The following TSPAN18 variants were observed in gnomAD, a reference collection of about 807,000 sequenced individuals.
TSPAN18 encodes the protein tetraspanin 18, also known as tetraspanin-18.
In TSPAN18, 14 loss-of-function variants were observed where a neutral mutation model predicts 27.3. That is an observed-to-expected ratio of 0.51 (90% CI 0.34 to 0.80). The LOEUF is 0.80. TSPAN18 is among the 30% of genes least tolerant of loss of function. TSPAN18 has a pLI of 0.01. For missense variants in TSPAN18, 268 were observed against 323.9 expected (o/e 0.83, Z 1.32); for synonymous variants, 143 against 136.5 (o/e 1.05, Z -0.33).
At position 44,814,492 on chromosome 11, in the gene TSPAN18, T is replaced by C. The variant is rs530229807; in HGVS notation, c.-152-45836T>C. On this transcript the variant is annotated intron_variant, in intron 2 of 9. Coordinates refer to ENST00000520358, the MANE Select transcript of TSPAN18 (RefSeq NM_130783.5). Reference sequence around the variant, plus strand: ...TTTGAAAAGCATTGACTAGTCCCAGTGCCTCATTTTGCAGATGTGAAAACT... The same window carrying C: ...TTTGAAAAGCATTGACTAGTCCCAGCGCCTCATTTTGCAGATGTGAAAACT... Among the ~76,000 whole-genome samples the C allele has an allele frequency of 2.6e-5, 4 of 152,372 alleles. No individual in the cohort carries two copies. The South Asian group carries it at 8.3e-4, about 32-fold the overall frequency.
At chr11:44,882,075 C>G (rs1344261349) in intron 3 of TSPAN18, among the ~76,000 whole-genome samples, 2 of 152,106 alleles carry the variant, frequency 1.3e-5, no homozygotes, top group African/African-American at 4.8e-5. Context: ...GTTAGGGTCC[C>G]TGGTGGTCCT....
rs769805932 is a variant in TSPAN18, at chr11:44,856,696, A to T, written c.-152-3632A>T. Among the ~76,000 whole-genome samples the T allele has an allele frequency of 5.3e-4, 80 of 152,052 alleles. 1 individual carries two copies. The highest frequency in any genetic ancestry group is 2.7e-3 in the Admixed American group (41 of 15,250). On this transcript the variant is annotated intron_variant, in intron 2 of 9. Coordinates refer to ENST00000520358, the MANE Select transcript of TSPAN18 (RefSeq NM_130783.5). ...GCAAGTGTTCAATTAATGCTTTCCAAATGAGTGAATGTTCATGTTGCTCAT... is the reference window on the plus strand; with the variant it reads ...GCAAGTGTTCAATTAATGCTTTCCATATGAGTGAATGTTCATGTTGCTCAT...
At chr11:44,835,599 C>T (rs1391138521) in intron 2 of TSPAN18, among the ~76,000 whole-genome samples, 1 of 150,846 alleles carries the variant, frequency 6.6e-6, no homozygotes, top group African/African-American at 2.4e-5. Flanking sequence ...CAACTTGTCT[C>T]TTCTCACAAA....
At chr11:44,761,799 AT>A (rs2134886223) in intron 1 of TSPAN18, among the ~76,000 whole-genome samples, 1 of 152,312 alleles carries the variant, frequency 6.6e-6, no homozygotes, top group Non-Finnish European at 1.5e-5. Context: ...ATAAAAGCTC[AT>A]TATCAGTTCT....
At chr11:44,819,597 A>G (rs1459338790) in intron 2 of TSPAN18, among the ~76,000 whole-genome samples, 1 of 152,094 alleles carries the variant, frequency 6.6e-6, no homozygotes. Context: ...ATAGACGCTC[A>G]TGCTGCTCTT....
intron 2 of TSPAN18, among the ~76,000 whole-genome samples, chr11:44,811,806 T>G (rs991580876): frequency 3.9e-5 from 6 of 152,178 alleles, no homozygotes; most frequent in African/African-American, 1.2e-4. Context: ...GAGTGTAAAG[T>G]CAGGGCTCTG....
intron 1 of TSPAN18, among the ~76,000 whole-genome samples, chr11:44,727,570 G>A (rs1317721216): frequency 6.6e-6 from 1 of 152,054 alleles, no homozygotes; most frequent in Non-Finnish European, 1.5e-5. Flanking sequence ...CCAGTGCTCC[G>A]GGTGGAGGAG....
intron 3 of TSPAN18, among the ~76,000 whole-genome samples, chr11:44,880,108 T>G (rs962244968): frequency 1.3e-5 from 2 of 152,194 alleles, no homozygotes; most frequent in Non-Finnish European, 2.9e-5. Flanking sequence ...GGGCCTCCAT[T>G]ACCACATCTT....
chr11:44,855,016 A>G (rs1308445256), intron 2 of TSPAN18, among the ~76,000 whole-genome samples: 1 of 152,180 alleles, frequency 6.6e-6, no homozygotes, highest in African/African-American at 2.4e-5. Flanking sequence ...AGCTAAAATC[A>G]ATAGCTTTTA....
chr11:44,731,743 G>T (rs1323161318), intron 1 of TSPAN18, among the ~76,000 whole-genome samples: 1 of 151,962 alleles, frequency 6.6e-6, no homozygotes, highest in African/African-American at 2.4e-5. Flanking sequence ...AGGGACTCCT[G>T]AATGTTGTGA....
intron 2 of TSPAN18, among the ~76,000 whole-genome samples, chr11:44,799,804 C>G (rs1466397599): frequency 6.6e-6 from 1 of 152,130 alleles, no homozygotes; most frequent in Non-Finnish European, 1.5e-5. Flanking sequence ...CTCTTAACAA[C>G]CCATGCATTT....
At chr11:44,861,786 C>G (rs1857893769) in intron 3 of TSPAN18, among the ~76,000 whole-genome samples, 1 of 118,790 alleles carries the variant, frequency 8.4e-6, no homozygotes, top group Admixed American at 1.0e-4. Context: ...ATCTGAAAGC[C>G]CAAATTTCAC....
rs566176659 is a variant in TSPAN18, at chr11:44,913,669, C to T, written c.258+3770C>T. Among the ~76,000 whole-genome samples the T allele has an allele frequency of 2.9e-4, 44 of 152,252 alleles. 1 individual carries two copies. Among genetic ancestry groups the T allele is most frequent in the Non-Finnish European group, 5.3e-4 (36 of 68,042 alleles). Reference sequence around the variant, plus strand: ...ATTTATTAGAAATGGGAACTGTGAGCAGACATTGCCTATAAGCAGATGGGT... The same window carrying T: ...ATTTATTAGAAATGGGAACTGTGAGTAGACATTGCCTATAAGCAGATGGGT... On this transcript the variant is annotated intron_variant, in intron 5 of 9. Transcript: ENST00000520358.
chr11:44,736,050 A>G (rs1456332169), intron 1 of TSPAN18: 2 of 152,198 alleles, frequency 1.3e-5, no homozygotes, highest in Non-Finnish European at 2.9e-5. Flanking sequence ...ACTGTCAAAG[A>G]AGTCAGTGCA....
chr11:44,731,106 C>A (rs1201664418), intron 1 of TSPAN18, among the ~76,000 whole-genome samples: 1 of 152,138 alleles, frequency 6.6e-6, no homozygotes, highest in Admixed American at 6.5e-5. Flanking sequence ...AAAACATGTT[C>A]ACTGGTGGTG....
intron 2 of TSPAN18, among the ~76,000 whole-genome samples, chr11:44,839,755 A>G (rs1014824534): frequency 9.9e-5 from 15 of 152,138 alleles, no homozygotes; most frequent in Non-Finnish European, 2.2e-4. Flanking sequence ...GTGGGGCAGA[A>G]GCTCAGGGCC....
Position 44,810,456 on chromosome 11 carries a change from C to G in TSPAN18, c.-153+45944C>G, listed in dbSNP as rs139161298. Among the ~76,000 whole-genome samples, 9 of 152,284 alleles carry G rather than the reference C, an allele frequency of 5.9e-5. No individual in the cohort carries two copies. In the East Asian group the frequency reaches 1.3e-3, roughly 23 times the overall value. On this transcript the variant is annotated intron_variant, in intron 2 of 9. Transcript: ENST00000520358. ...TTCTGTTGCAGTGGGTATCAGAACT[C>G]CATTCCCTTTTGTGGCTGAATAATA...
intron 2 of TSPAN18, among the ~76,000 whole-genome samples, chr11:44,770,502 G>C (rs1283478099): frequency 6.6e-6 from 1 of 152,214 alleles, no homozygotes; most frequent in East Asian, 1.9e-4. Flanking sequence ...ACCCAGGGTA[G>C]TGTGGATGGA....
intron 1 of TSPAN18, among the ~76,000 whole-genome samples, chr11:44,761,754 A>ACACTAATAC (rs1342860651): frequency 1.3e-5 from 2 of 152,194 alleles, no homozygotes; most frequent in African/African-American, 4.8e-5. Context: ...GGCACTCTTG[A>ACACTAATAC]CACTAATACG....
Sources: gnomAD v4.1 joint callset for allele counts (sites outside exome capture counted in the v4.1 genomes callset) on GRCh38, gnomAD v4.1.1 for gene constraint, MANE v1.5 for transcripts, NCBI Gene and HGNC (gene_info 2026-07-23, HGNC 2026-07-21) for gene names.